The following C12orf42 variants were observed in gnomAD, a reference collection of about 807,000 sequenced individuals.
The protein encoded by C12orf42 is uncharacterized protein C12orf42.
Under a neutral mutation model 21.6 loss-of-function variants are expected in C12orf42, and 25 were observed. The ratio of observed to expected loss-of-function variants is 1.16; its 90% CI spans 0.84 to 1.62. The LOEUF (loss-of-function observed/expected upper bound fraction) is 1.62, where lower values mean the gene tolerates loss of function less well. Ranked by LOEUF, C12orf42 falls within the 40% of genes most tolerant of loss-of-function variation. The pLI is 0.00. For missense variants in C12orf42, 483 were observed against 459.3 expected (o/e 1.05, Z -0.47); for synonymous variants, 174 against 175.0 (o/e 0.99, Z 0.05).
chr12:103,543,430 G>T, the C12orf42 span, among the ~76,000 whole-genome samples: 1 of 151,910 alleles, frequency 6.6e-6, no homozygotes, highest in Non-Finnish European at 1.5e-5. Context: ...GCAACATAGG[G>T]AGGCCCCCAT....
At chr12:103,100,236 G>A in the C12orf42 span, among the ~76,000 whole-genome samples, 4 of 152,190 alleles carry the variant, frequency 2.6e-5, no homozygotes, top group East Asian at 1.9e-4. Flanking sequence ...AATCTTGCCC[G>A]CAGAATCGGT....
chr12:103,454,683 G>T (rs1056219771), intron 2 of C12orf42, among the ~76,000 whole-genome samples: 2 of 152,138 alleles, frequency 1.3e-5, no homozygotes, highest in Non-Finnish European at 2.9e-5. Flanking sequence ...CTGTCTTGCT[G>T]AAACTTGTCT....
At chr12:103,051,355 T>C in the C12orf42 span, among the ~76,000 whole-genome samples, 1 of 152,120 alleles carries the variant, frequency 6.6e-6, no homozygotes, top group African/African-American at 2.4e-5. Context: ...TATATAAGCC[T>C]TAAGAGGATA....
At chr12:103,562,777 C>T in the C12orf42 span, among the ~76,000 whole-genome samples, 1 of 152,212 alleles carries the variant, frequency 6.6e-6, no homozygotes, top group Non-Finnish European at 1.5e-5. Flanking sequence ...CAGTGGGGCT[C>T]ATGAAATAAC....
the C12orf42 span, among the ~76,000 whole-genome samples, chr12:103,089,047 A>C: frequency 7.4e-6 from 1 of 135,252 alleles, no homozygotes; most frequent in Non-Finnish European, 1.5e-5. Context: ...GCTTGCAGTG[A>C]GCTGAGATCG....
At chr12:103,559,732 T>C in the C12orf42 span, 7 of 152,254 alleles carry the variant, frequency 4.6e-5, no homozygotes, top group Admixed American at 3.3e-4. Flanking sequence ...TGTTGTTCAC[T>C]GTTGGCATCA....
intron 2 of C12orf42, among the ~76,000 whole-genome samples, chr12:103,427,140 C>T (rs1346437417): frequency 6.6e-6 from 1 of 151,354 alleles, no homozygotes; most frequent in East Asian, 1.9e-4. Flanking sequence ...GGCTAAATGC[C>T]CCAATTAAAA....
intron 2 of C12orf42, among the ~76,000 whole-genome samples, chr12:103,440,389 G>T (rs11111583): frequency 1.5e-5 from 2 of 130,822 alleles, no homozygotes. Context: ...GCACATGTAC[G>T]CTAAAACTTA....
At chr12:103,491,551 A>G (rs1955185863) in intron 1 of C12orf42, among the ~76,000 whole-genome samples, 1 of 152,168 alleles carries the variant, frequency 6.6e-6, no homozygotes, top group Admixed American at 6.5e-5. Flanking sequence ...TCTACACTCT[A>G]TTGTTATCTG....
chr12:103,076,233 GATAATA>G, the C12orf42 span, among the ~76,000 whole-genome samples: 21 of 149,708 alleles, frequency 1.4e-4, no homozygotes, highest in South Asian at 1.3e-3. Flanking sequence ...AAAGTATAAT[GATAATA>G]ATAATAATAA....
chr12:103,442,362 A>G (rs1205284827), intron 2 of C12orf42, among the ~76,000 whole-genome samples: 3 of 152,186 alleles, frequency 2.0e-5, no homozygotes, highest in Non-Finnish European at 4.4e-5. Flanking sequence ...TTCTGTGAAC[A>G]ATGACGTTTG....
chr12:103,563,053 G>A, the C12orf42 span, among the ~76,000 whole-genome samples: 1 of 152,138 alleles, frequency 6.6e-6, no homozygotes, highest in Admixed American at 6.5e-5. Context: ...CTATCTGGAG[G>A]GTTTCTTTTA....
chr12:103,398,617 A>C (rs2374063), intron 3 of C12orf42, among the ~76,000 whole-genome samples: 126,572 of 152,032 alleles, frequency 0.83, 52,733 homozygotes, highest in Admixed American at 0.88. Context: ...TTTGTATTTT[A>C]TCTAAAAGTT....
At chr12:103,399,260 G>A (rs1206196674) in intron 3 of C12orf42, among the ~76,000 whole-genome samples, 2 of 151,540 alleles carry the variant, frequency 1.3e-5, no homozygotes, top group African/African-American at 2.4e-5. Context: ...TGAACCCCGA[G>A]GACATTTTTG....
the C12orf42 span, among the ~76,000 whole-genome samples, chr12:103,174,984 G>C: frequency 6.6e-6 from 1 of 152,086 alleles, no homozygotes; most frequent in Non-Finnish European, 1.5e-5. Context: ...AAATTATTCT[G>C]ATTACCATTT....
chr12:103,398,291 A>G (rs2047700022), intron 3 of C12orf42, among the ~76,000 whole-genome samples: 1 of 152,150 alleles, frequency 6.6e-6, no homozygotes, highest in Non-Finnish European at 1.5e-5. Context: ...ATTTATTTAT[A>G]CTTTTATTGG....
At chr12:103,186,457 A>C in the C12orf42 span, among the ~76,000 whole-genome samples, 1 of 152,208 alleles carries the variant, frequency 6.6e-6, no homozygotes, top group African/African-American at 2.4e-5. Context: ...ATTTGAGCTG[A>C]CATGCGTTCA....
At chr12:103,297,165 G>T (rs1268725261), downstream of C12orf42, among the ~76,000 whole-genome samples, 1 of 152,112 alleles carries the variant, frequency 6.6e-6, no homozygotes, top group Non-Finnish European at 1.5e-5. Flanking sequence ...AGATCAGATG[G>T]CTGTAGATGT....
At chr12:103,331,801 T>C (rs921521113) in intron 4 of C12orf42, among the ~76,000 whole-genome samples, 3 of 152,204 alleles carry the variant, frequency 2.0e-5, no homozygotes, top group South Asian at 2.1e-4. Context: ...CCTAGATACA[T>C]GGAATTAAAT....
Sources: allele counts gnomAD v4.1 joint callset (sites outside exome capture counted in the v4.1 genomes callset), GRCh38; gene constraint gnomAD v4.1.1; transcripts MANE v1.5; gene names NCBI Gene and HGNC (gene_info 2026-07-23, HGNC 2026-07-21).